Variants in EHBP1 observed in about 807,000 individuals in gnomAD.
EHBP1 encodes EH domain-binding protein 1.
Under a neutral mutation model 144.0 loss-of-function variants are expected in EHBP1, and 55 were observed. That is an observed-to-expected ratio of 0.38 (90% confidence interval 0.31 to 0.48). The LOEUF (loss-of-function observed/expected upper bound fraction) is 0.48, where lower values mean the gene tolerates loss of function less well. EHBP1 is among the 20% of genes least tolerant of loss of function. EHBP1 has a pLI of 0.98. For missense variants in EHBP1, 1,200 were observed against 1,364.2 expected (o/e 0.88, Z 1.90); for synonymous variants, 469 against 472.7 (o/e 0.99, Z 0.10).
chr2:62,822,821 C>T (rs529676952), intron 5 of EHBP1, among the ~76,000 whole-genome samples: 3 of 152,252 alleles, frequency 2.0e-5, no homozygotes, highest in African/African-American at 7.2e-5. Flanking sequence ...TGAATAAGTG[C>T]TGGTGCTACA....
chr2:62,920,967 C>T (rs1364374506), intron 10 of EHBP1, among the ~76,000 whole-genome samples: 1 of 151,954 alleles, frequency 6.6e-6, no homozygotes, highest in Non-Finnish European at 1.5e-5. Flanking sequence ...CTGCGCCTGG[C>T]CTGATTAATC....
chr2:62,781,948 T>C (rs1177207337), intron 5 of EHBP1, among the ~76,000 whole-genome samples: 2 of 152,222 alleles, frequency 1.3e-5, no homozygotes, highest in African/African-American at 4.8e-5. Context: ...AAATGGGATA[T>C]TTCATCTTTA....
At chr2:62,966,427 G>T in intron 14 of EHBP1, among the ~76,000 whole-genome samples, 1 of 152,066 alleles carries the variant, frequency 6.6e-6, no homozygotes, top group East Asian at 1.9e-4. Context: ...TGTGTTTGGG[G>T]TACCTTTTAT....
chr2:62,980,778 A>G (rs1409190687), intron 15 of EHBP1, among the ~76,000 whole-genome samples: 1 of 151,442 alleles, frequency 6.6e-6, no homozygotes, highest in East Asian at 1.9e-4. Context: ...CAGGAGTTCG[A>G]GATCAGCCTG....
intron 1 of EHBP1, among the ~76,000 whole-genome samples, chr2:62,683,387 G>A (rs924731591): frequency 6.6e-6 from 1 of 152,096 alleles, no homozygotes; most frequent in South Asian, 2.1e-4. Context: ...CAGGCCAGGC[G>A]CGGTGTCTCC....
chr2:62,998,950 G>C (rs908370505), intron 19 of EHBP1, among the ~76,000 whole-genome samples: 1 of 152,130 alleles, frequency 6.6e-6, no homozygotes, highest in African/African-American at 2.4e-5. Context: ...TAAGATGTTA[G>C]AAAGTGAAAG....
intron 19 of EHBP1, among the ~76,000 whole-genome samples, chr2:63,000,368 G>T (rs1281746493): frequency 2.0e-5 from 3 of 151,888 alleles, no homozygotes; most frequent in Admixed American, 2.0e-4. Flanking sequence ...GCCATGCTGT[G>T]TATGTGAGTG....
At chr2:62,869,321 G>A (rs1293720516) in intron 9 of EHBP1, among the ~76,000 whole-genome samples, 1 of 152,176 alleles carries the variant, frequency 6.6e-6, no homozygotes, top group Admixed American at 6.5e-5. Context: ...GAAAGCATAT[G>A]TCCACAAAGA....
chr2:62,806,579 T>G (rs2044503009), intron 5 of EHBP1, among the ~76,000 whole-genome samples: 1 of 152,084 alleles, frequency 6.6e-6, no homozygotes, highest in African/African-American at 2.4e-5. Context: ...GCCTAGCTGA[T>G]CTTGAACTCC....
At chr2:62,754,865 G>A (rs1008041831) in intron 3 of EHBP1, among the ~76,000 whole-genome samples, 35 of 152,318 alleles carry the variant, frequency 2.3e-4, no homozygotes, top group East Asian at 1.2e-3. Context: ...GGAGTGACCC[G>A]ATTTTCCAGG....
At chr2:62,955,476 G>GTT (rs5831652) in intron 13 of EHBP1, 41 bp from the exon 14 acceptor site, 3,156 of 1,354,040 alleles carry the variant, frequency 2.3e-3, no homozygotes, top group Middle Eastern at 2.9e-3. Context: ...TAGATTACCC[G>GTT]TTTTTTTTTT....
At chr2:62,960,622 T>C (rs895349290) in intron 14 of EHBP1, among the ~76,000 whole-genome samples, 3 of 152,176 alleles carry the variant, frequency 2.0e-5, no homozygotes, top group African/African-American at 4.8e-5. Flanking sequence ...TAAATGTTCA[T>C]TGAATGAATA....
intron 8 of EHBP1, 97 bp from the exon 9 acceptor site, chr2:62,864,634 A>G: frequency 1.7e-6 from 2 of 1,203,362 alleles, no homozygotes; most frequent in South Asian, 3.1e-5. Flanking sequence ...CATAGAGCTT[A>G]TTAATTCAAT....
At chr2:62,889,402 A>G (rs181767055) in intron 10 of EHBP1, among the ~76,000 whole-genome samples, 1 of 152,152 alleles carries the variant, frequency 6.6e-6, no homozygotes, top group East Asian at 1.9e-4. Context: ...CTTCAGTTTA[A>G]TTAAATCCCA....
At chr2:62,679,704 G>T (rs1002771041) in intron 1 of EHBP1, among the ~76,000 whole-genome samples, 1 of 151,902 alleles carries the variant, frequency 6.6e-6, no homozygotes, top group Non-Finnish European at 1.5e-5. Flanking sequence ...TCTAAAAGTT[G>T]GCAAAAAACA....
Position 62,949,131 on chromosome 2 carries a change from A to G in EHBP1, c.2285A>G (p.Asn762Ser). ...CCAGATGCTGATAGAACCACTTTAA[A>G]TCATGCAGATCATTCATCAAAAATA... ...SDPDADRTTL[N>S]HADHSSKIVQ... The change falls in exon 13 of 23, where the codon AAT (asparagine) becomes AGT (serine). Residue 762 changes from asparagine (N) to serine (S), a missense_variant. Physicochemically the swap from Asn to Ser is conservative, Grantham distance 46. Coordinates refer to ENST00000431489, the MANE Select transcript of EHBP1 (RefSeq NM_001142616.3). 6.4e-7 allele frequency: 1 copy of G among 1,563,898 alleles called. No homozygotes were observed. Among genetic ancestry groups the G allele is most frequent in the African/African-American group, 1.4e-5 (1 of 72,532 alleles).
chr2:62,741,660 G>A (rs1573064623), intron 2 of EHBP1, among the ~76,000 whole-genome samples: 2 of 152,132 alleles, frequency 1.3e-5, no homozygotes, highest in Admixed American at 6.5e-5. Context: ...TATTTCTAAG[G>A]TCACTTAGTA....
chr2:63,034,415 G>A (rs1299095380), intron 19 of EHBP1, among the ~76,000 whole-genome samples: 1 of 151,964 alleles, frequency 6.6e-6, no homozygotes, highest in Non-Finnish European at 1.5e-5. Context: ...CAAAAATGTG[G>A]TTGTAATTAC....
At chr2:62,926,307 A>C (rs1282395005) in intron 10 of EHBP1, among the ~76,000 whole-genome samples, 1 of 152,184 alleles carries the variant, frequency 6.6e-6, no homozygotes, top group East Asian at 1.9e-4. Context: ...CCTCAAACGC[A>C]TAGGCAGCAA....
Sources: allele counts gnomAD v4.1 joint callset (sites outside exome capture counted in the v4.1 genomes callset), GRCh38; gene constraint gnomAD v4.1.1; transcripts MANE v1.5; gene names NCBI Gene and HGNC (gene_info 2026-07-23, HGNC 2026-07-21).